Variants in GPRIN3 observed in about 807,000 individuals in gnomAD.
GPRIN3 encodes the protein GPRIN family member 3.
A neutral mutation model predicts 13.7 loss-of-function variants in GPRIN3; 12 were observed. That is an observed-to-expected ratio of 0.87 (90% CI 0.56 to 1.42). GPRIN3 has a LOEUF of 1.42. Among genes scored for constraint, GPRIN3 ranks in the 40% most tolerant of loss-of-function variants. The pLI is 0.00. For missense variants in GPRIN3, 1,009 were observed against 958.7 expected, an observed-to-expected ratio of 1.05 and a Z score of -0.69; for synonymous variants, 377 against 372.7, an observed-to-expected ratio of 1.01 and a Z score of -0.13.
chr4:89,274,054 G>A (rs575473664), intron 1 of GPRIN3, among the ~76,000 whole-genome samples: 97 of 152,194 alleles, frequency 6.4e-4, no homozygotes, highest in Non-Finnish European at 1.4e-3. Flanking sequence ...GAGTGGGAAA[G>A]ACAGACAATG....
At chr4:89,292,529 C>A (rs746048615) in intron 1 of GPRIN3, among the ~76,000 whole-genome samples, 1 of 152,140 alleles carries the variant, frequency 6.6e-6, no homozygotes, top group Non-Finnish European at 1.5e-5. Flanking sequence ...GGGACCTGAT[C>A]TGTACATACT....
intron 1 of GPRIN3, among the ~76,000 whole-genome samples, chr4:89,255,676 T>C (rs1367788): frequency 0.016 from 2,471 of 152,276 alleles, 72 homozygotes; most frequent in African/African-American, 0.056. Flanking sequence ...GAAAGCATGG[T>C]TGACCAAAGC....
At chr4:89,305,114 T>C (rs1463796460) in intron 1 of GPRIN3, among the ~76,000 whole-genome samples, 1 of 152,188 alleles carries the variant, frequency 6.6e-6, no homozygotes, top group Non-Finnish European at 1.5e-5. Flanking sequence ...CTTCAGTTTG[T>C]AGGTGGATCC....
rs1488232521 is a variant in GPRIN3, at chr4:89,246,412, T to C, written c.*1368A>G. The C allele has an allele frequency of 6.6e-6, 1 of 152,186 alleles. No individual in the cohort carries two copies. The highest frequency in any genetic ancestry group is 1.5e-5 in the Non-Finnish European group (1 of 68,066). The allele number at this position is 152,186 out of a possible 1,614,324, so 9.4% of individuals were successfully genotyped here. On this transcript the variant is annotated 3_prime_UTR_variant, in exon 2 of 2. Coordinates refer to ENST00000609438, the MANE Select transcript of GPRIN3 (RefSeq NM_198281.3). ...CACACTACCCCAATTCTCAAGGCGA[T>C]GCTGCTCATCCAGGCCAGTGCCTTG... is the stretch of plus-strand genomic sequence containing the variant.
rs974692556 is a variant in GPRIN3 at position 89,289,114 on chromosome 4, C to T, written c.-124+18501G>A. Among the ~76,000 whole-genome samples, 4 of 150,210 alleles carry T rather than the reference C, an allele frequency of 2.7e-5. No individual in the cohort carries two copies. The East Asian group carries it at 5.8e-4, about 22-fold the overall frequency. On this transcript the variant is annotated intron_variant, in intron 1 of 1. Coordinates refer to ENST00000609438, the MANE Select transcript of GPRIN3 (RefSeq NM_198281.3). ...TTTACTGAAAATTCTCTCCTTCAGG[C>T]CTCTTCTTTCCTGTCCTTGATAATC...
chr4:89,302,580 C>A (rs557466953), intron 1 of GPRIN3, among the ~76,000 whole-genome samples: 1 of 152,188 alleles, frequency 6.6e-6, no homozygotes, highest in Non-Finnish European at 1.5e-5. Context: ...AATTTAATTA[C>A]CGACATGAAC....
Position 89,249,309 on chromosome 4 carries a change from T to C in GPRIN3, c.802A>G (p.Thr268Ala). Reference protein sequence around the residue: ...QGTTSVTPQPTPLTSEPSACP... With the variant: ...QGTTSVTPQPAPLTSEPSACP... ...GCCGAAGGTTCGCTAGTGAGGGGGGTTGGTTGAGGTGTCACAGAAGTTGTG... is the reference window on the plus strand; with the variant it reads ...GCCGAAGGTTCGCTAGTGAGGGGGGCTGGTTGAGGTGTCACAGAAGTTGTG... Residue 268 changes from threonine to alanine, a missense_variant, in exon 2 of 2, where the codon ACC becomes GCC. Physicochemically the swap from Thr to Ala is moderately conservative, Grantham distance 58. Transcript: ENST00000609438. The C allele has an allele frequency of 6.2e-7, 1 of 1,613,450 alleles. No homozygotes were observed. The highest frequency in any genetic ancestry group is 8.5e-7 in the Non-Finnish European group (1 of 1,179,858).
At chr4:89,250,755 T>A (rs921547386) in intron 1 of GPRIN3, 1 of 152,188 alleles carries the variant, frequency 6.6e-6, no homozygotes, top group African/African-American at 2.4e-5. Flanking sequence ...GTTGGCAAAC[T>A]GTTCATGCAT....
chr4:89,262,304 CAT>C (rs1402541586), intron 1 of GPRIN3, among the ~76,000 whole-genome samples: 3 of 151,968 alleles, frequency 2.0e-5, no homozygotes, highest in Non-Finnish European at 2.9e-5. Context: ...TGCTTGTAGA[CAT>C]ATAAAATATT....
At chr4:89,262,045 G>A (rs568206627) in intron 1 of GPRIN3, among the ~76,000 whole-genome samples, 13 of 151,098 alleles carry the variant, frequency 8.6e-5, no homozygotes, top group East Asian at 2.0e-4. Flanking sequence ...GGAACTGCTT[G>A]AGCCTGGGAG....
chr4:89,306,626 G>T (rs921443296), intron 1 of GPRIN3, among the ~76,000 whole-genome samples: 14 of 152,110 alleles, frequency 9.2e-5, no homozygotes, highest in Admixed American at 7.9e-4. Context: ...TTACTCAAAG[G>T]TGGGTGCTTC....
intron 1 of GPRIN3, among the ~76,000 whole-genome samples, chr4:89,291,694 G>C (rs1724576031): frequency 6.6e-6 from 1 of 152,168 alleles, no homozygotes; most frequent in East Asian, 1.9e-4. Context: ...TGGTCATATG[G>C]TAAGTGAACA....
chr4:89,267,245 G>A (rs548430770), intron 1 of GPRIN3, among the ~76,000 whole-genome samples: 6 of 152,120 alleles, frequency 3.9e-5, no homozygotes, highest in Non-Finnish European at 5.9e-5. Flanking sequence ...GTTAACCACC[G>A]CTAAGAATAT....
intron 1 of GPRIN3, among the ~76,000 whole-genome samples, chr4:89,303,822 T>C (rs953301181): frequency 1.6e-4 from 24 of 150,178 alleles, no homozygotes; most frequent in Non-Finnish European, 2.8e-4. Context: ...ATATAAAATA[T>C]GTATGTATGT....
At chr4:89,261,981 G>A (rs1723642221) in intron 1 of GPRIN3, among the ~76,000 whole-genome samples, 2 of 151,872 alleles carry the variant, frequency 1.3e-5, no homozygotes, top group Admixed American at 1.3e-4. Flanking sequence ...AATTAGCCTG[G>A]CATGGTGGCA....
intron 1 of GPRIN3, among the ~76,000 whole-genome samples, chr4:89,261,179 A>C (rs1043474664): frequency 6.6e-6 from 1 of 152,302 alleles, no homozygotes; most frequent in East Asian, 1.9e-4. Context: ...GGAACTATCG[A>C]CATTTTGGAC....
At chr4:89,303,471 TG>T (rs1724954042) in intron 1 of GPRIN3, among the ~76,000 whole-genome samples, 1 of 152,124 alleles carries the variant, frequency 6.6e-6, no homozygotes, top group South Asian at 2.1e-4. Flanking sequence ...TGGCAGGAAA[TG>T]GCAGATTTAT....
intron 1 of GPRIN3, among the ~76,000 whole-genome samples, chr4:89,300,558 A>G (rs934836418): frequency 6.6e-6 from 1 of 152,112 alleles, no homozygotes; most frequent in Non-Finnish European, 1.5e-5. Context: ...TTTGGTACAT[A>G]TATCTCCAAA....
chr4:89,252,274 A>G (rs982582900), intron 1 of GPRIN3, among the ~76,000 whole-genome samples: 1 of 152,162 alleles, frequency 6.6e-6, no homozygotes, highest in Non-Finnish European at 1.5e-5. Context: ...AACCTGGCCT[A>G]TAAGCATTTT....
Sources: gnomAD v4.1 joint callset for allele counts (sites outside exome capture counted in the v4.1 genomes callset) on GRCh38, gnomAD v4.1.1 for gene constraint, MANE v1.5 for transcripts, NCBI Gene and HGNC (gene_info 2026-07-23, HGNC 2026-07-21) for gene names.